Variants in ADAM28 observed in about 807,000 individuals in gnomAD.
ADAM28 encodes disintegrin and metalloproteinase domain-containing protein 28.
In ADAM28, 105 loss-of-function variants were observed where a neutral mutation model predicts 101.2. The observed-to-expected ratio is 1.04, with a 90% CI of 0.89 to 1.22. The LOEUF (loss-of-function observed/expected upper bound fraction) is 1.22. ADAM28 is among the 50% of genes most tolerant of loss of function. The probability of loss-of-function intolerance (pLI) is 0.00; values close to 1 mark genes in which losing one functional copy is unlikely to be tolerated. For synonymous variants in ADAM28, 322 were observed against 310.6 expected (o/e 1.04, Z -0.39); for missense variants, 1,028 against 945.4 (o/e 1.09, Z -1.15).
At chr8:24,344,757 T>C (rs1384998458) in intron 18 of ADAM28, among the ~76,000 whole-genome samples, 1 of 152,148 alleles carries the variant, frequency 6.6e-6, no homozygotes, top group Non-Finnish European at 1.5e-5. Context: ...AAAAATCCTT[T>C]TAAACTATGA....
intron 18 of ADAM28, among the ~76,000 whole-genome samples, chr8:24,347,346 T>G (rs1357210238): frequency 6.6e-6 from 1 of 152,084 alleles, no homozygotes; most frequent in Non-Finnish European, 1.5e-5. Flanking sequence ...TGGACTGTGA[T>G]TTTTTCATAT....
chr8:24,334,057 G>A (rs1259808232), intron 13 of ADAM28, among the ~76,000 whole-genome samples: 1 of 152,140 alleles, frequency 6.6e-6, no homozygotes, highest in Non-Finnish European at 1.5e-5. Flanking sequence ...CCAAAAGGAA[G>A]TAAATTTGAG....
intron 15 of ADAM28, chr8:24,341,091 TAAATGAGTAAC>T (rs1814706533): frequency 6.6e-6 from 1 of 152,402 alleles, no homozygotes. Context: ...GTTGTACAAA[TAAATGAGTAAC>T]CTATCTGAAA....
Position 24,356,673 on chromosome 8 carries a change from T to C in ADAM28, c.*2269T>C, listed in dbSNP as rs1410065627. 4 of 152,274 alleles carry C rather than the reference T, an allele frequency of 2.6e-5. No individual in the cohort carries two copies. The highest frequency in any genetic ancestry group is 1.3e-4 in the Admixed American group (2 of 15,280). The allele number at this position is 152,274 out of a possible 1,614,324, so 9.4% of individuals were successfully genotyped here. On this transcript the variant is annotated 3_prime_UTR_variant, in exon 23 of 23. Coordinates refer to ENST00000265769, the MANE Select transcript of ADAM28 (RefSeq NM_014265.6). ...TACTTATATCCGTAACTTTCTAACT[T>C]TAAGGGAATTCCGCTTATTTGACAT...
chr8:24,309,330 A>G (rs1158281486), intron 2 of ADAM28, among the ~76,000 whole-genome samples: 1 of 152,150 alleles, frequency 6.6e-6, no homozygotes, highest in Non-Finnish European at 1.5e-5. Context: ...AGACTTCAAG[A>G]CCAAAAATCA....
rs1294901826 is a variant in ADAM28, at chr8:24,357,319, GAACA to G, written c.*2920_*2923del. 3 of 152,148 alleles carry G rather than the reference GAACA, an allele frequency of 2.0e-5. No individual in the cohort carries two copies. Among genetic ancestry groups the G allele is most frequent in the Non-Finnish European group, 4.4e-5 (3 of 68,030 alleles). The allele number at this position is 152,148 out of a possible 1,614,324, so 9.4% of individuals were successfully genotyped here. Reference sequence around the variant, plus strand: ...TAGATAGCTGATACAAGGAAGTAGAGAACAAACATTTTCTATTAGTCTGTTTTCA... The same window carrying G: ...TAGATAGCTGATACAAGGAAGTAGAGAACATTTTCTATTAGTCTGTTTTCA... On this transcript the variant is annotated 3_prime_UTR_variant, in exon 23 of 23. Transcript: ENST00000265769.
chr8:24,343,897 A>G (rs1463550555), intron 18 of ADAM28, among the ~76,000 whole-genome samples: 1 of 152,070 alleles, frequency 6.6e-6, no homozygotes, highest in Non-Finnish European at 1.5e-5. Context: ...GAAAAATGTA[A>G]TATCCTCAAA....
intron 10 of ADAM28, 84 bp from the exon 11 acceptor site, chr8:24,329,901 G>A: frequency 7.0e-7 from 1 of 1,422,958 alleles, no homozygotes; most frequent in East Asian, 2.3e-5. Flanking sequence ...GAGAGAGAGA[G>A]AGAGAGAGAG....
chr8:24,307,813 G>T (rs1479808783), intron 2 of ADAM28, among the ~76,000 whole-genome samples: 1 of 152,146 alleles, frequency 6.6e-6, no homozygotes, highest in Non-Finnish European at 1.5e-5. Flanking sequence ...TGTCGTAAAA[G>T]AAAATATCTT....
chr8:24,294,538 AAGAATGGTAAAG>A (rs1407181525), intron 1 of ADAM28, among the ~76,000 whole-genome samples: 57 of 152,198 alleles, frequency 3.7e-4, no homozygotes, highest in Non-Finnish European at 1.5e-5. Context: ...TTGTCATTTA[AAGAATGGTAAAG>A]ATGTGGCAGA....
rs185474980 is a variant in ADAM28 at position 24,338,810 on chromosome 8, A to T, written c.1568-656A>T. Among the ~76,000 whole-genome samples, 74 of 152,152 alleles carry T rather than the reference A, an allele frequency of 4.9e-4. 2 individuals are homozygous for T. Among genetic ancestry groups the T allele is most frequent in the Middle Eastern group, 6.8e-3 (2 of 294 alleles). On this transcript the variant is annotated intron_variant, in intron 14 of 22. Transcript: ENST00000265769. Reference sequence around the variant, plus strand: ...AGGTCTTTCTCTGTGACTTGATAGGATTCTGTTTCCTTATTAATAAATTGA... The same window carrying T: ...AGGTCTTTCTCTGTGACTTGATAGGTTTCTGTTTCCTTATTAATAAATTGA...
At chr8:24,309,037 A>G (rs537283693) in intron 2 of ADAM28, among the ~76,000 whole-genome samples, 1 of 152,344 alleles carries the variant, frequency 6.6e-6, no homozygotes, top group African/African-American at 2.4e-5. Context: ...CTTTTTAGAT[A>G]TTGAGTGCAA....
intron 18 of ADAM28, among the ~76,000 whole-genome samples, chr8:24,345,528 T>C (rs1350256076): frequency 6.6e-6 from 1 of 152,090 alleles, no homozygotes; most frequent in Non-Finnish European, 1.5e-5. Flanking sequence ...GAAATATTTT[T>C]TTATCCCAGT....
At chr8:24,338,579 TAAA>T (rs75252358) in intron 14 of ADAM28, among the ~76,000 whole-genome samples, 26,647 of 152,002 alleles carry the variant, frequency 0.18, 2,427 homozygotes, top group East Asian at 0.35. Flanking sequence ...ATACAAATAA[TAAA>T]AAGTAACAAA....
At chr8:24,342,518 G>A (rs1814901072) in intron 16 of ADAM28, among the ~76,000 whole-genome samples, 2 of 152,030 alleles carry the variant, frequency 1.3e-5, no homozygotes, top group Admixed American at 6.6e-5. Context: ...TAAAATATTA[G>A]GTCTTGCCTA....
At chr8:24,298,095 T>A (rs1585481518) in intron 1 of ADAM28, among the ~76,000 whole-genome samples, 1 of 152,214 alleles carries the variant, frequency 6.6e-6, no homozygotes, top group African/African-American at 2.4e-5. Flanking sequence ...TAGGGGATTC[T>A]GTACTTGTAT....
At chr8:24,303,895 C>T (rs771449439) in intron 2 of ADAM28, among the ~76,000 whole-genome samples, 3 of 151,948 alleles carry the variant, frequency 2.0e-5, no homozygotes, top group Non-Finnish European at 4.4e-5. Flanking sequence ...TACAAGTTCA[C>T]CTGTATCTTC....
chr8:24,327,884 T>G (rs1283091339), intron 10 of ADAM28, among the ~76,000 whole-genome samples: 1 of 152,142 alleles, frequency 6.6e-6, no homozygotes, highest in East Asian at 1.9e-4. Flanking sequence ...GCTATTATTA[T>G]CATATGTTTA....
rs1005714335 is a variant in ADAM28, at chr8:24,355,901, A to G, written c.*1497A>G. The G allele has an allele frequency of 1.3e-5, 2 of 152,158 alleles. No individual in the cohort carries two copies. Among genetic ancestry groups the G allele is most frequent in the Non-Finnish European group, 2.9e-5 (2 of 68,038 alleles). The allele number at this position is 152,158 out of a possible 1,614,324, so 9.4% of individuals were successfully genotyped here. On this transcript the variant is annotated 3_prime_UTR_variant, in exon 23 of 23. Coordinates refer to ENST00000265769, the MANE Select transcript of ADAM28 (RefSeq NM_014265.6). ...ATAATCAGGGAACATGCTTTAGTTC[A>G]TCATCACAGCTACAGTTTTTCTTGT...
Sources: gnomAD v4.1 joint callset for allele counts (sites outside exome capture counted in the v4.1 genomes callset) on GRCh38, gnomAD v4.1.1 for gene constraint, MANE v1.5 for transcripts, NCBI Gene and HGNC (gene_info 2026-07-23, HGNC 2026-07-21) for gene names.